The following CPLANE1 variants were observed in gnomAD, a reference collection of about 807,000 sequenced individuals.
CPLANE1 encodes the protein ciliogenesis and planar polarity effector complex subunit 1.
Under a neutral mutation model 362.5 loss-of-function variants are expected in CPLANE1, and 263 were observed. The observed-to-expected ratio is 0.73, with a 90% confidence interval of 0.66 to 0.80. The LOEUF is 0.80. CPLANE1 is among the 30% of genes least tolerant of loss of function. The pLI is 0.00. For synonymous variants in CPLANE1, 1,212 were observed against 1,302.6 expected (o/e 0.93, Z 1.50); for missense variants, 3,461 against 3,793.4 (o/e 0.91, Z 2.30).
chr5:37,140,664 A>G, intron 44 of CPLANE1: 1 of 985,418 alleles, frequency 1.0e-6, no homozygotes, highest in South Asian at 4.7e-5. Flanking sequence ...TGGGCTGCAT[A>G]TGGGGAAGTA....
intron 18 of CPLANE1, among the ~76,000 whole-genome samples, chr5:37,202,557 C>T (rs894163184): frequency 3.3e-5 from 5 of 152,084 alleles, no homozygotes; most frequent in South Asian, 2.1e-4. Flanking sequence ...ATGTATAGTA[C>T]GGCTTCAACT....
chr5:37,197,678 A>G (rs947995924), intron 20 of CPLANE1, among the ~76,000 whole-genome samples: 1 of 152,212 alleles, frequency 6.6e-6, no homozygotes, highest in African/African-American at 2.4e-5. Flanking sequence ...GTAGTAATAG[A>G]AAACTAATAT....
At chr5:37,078,143 T>A in the CPLANE1 span, among the ~76,000 whole-genome samples, 1 of 152,156 alleles carries the variant, frequency 6.6e-6, no homozygotes, top group African/African-American at 2.4e-5. Flanking sequence ...GTACAGATCA[T>A]CCCATCACCT....
the CPLANE1 span, among the ~76,000 whole-genome samples, chr5:37,076,365 ACC>A: frequency 1.3e-5 from 2 of 151,858 alleles, no homozygotes; most frequent in Admixed American, 1.3e-4. Flanking sequence ...TCACTCTGTT[ACC>A]CAGGTGCAAT....
At position 37,106,953 on chromosome 5, in the gene CPLANE1, T is replaced by C; in HGVS notation, c.*649A>G. 1.0e-6 allele frequency: 1 copy of C among 985,432 alleles called. No individual in the cohort carries two copies. Among genetic ancestry groups the C allele is most frequent in the Non-Finnish European group, 1.2e-6 (1 of 829,926 alleles). 61.0% of individuals were successfully genotyped at this position (985,432 alleles called of 1,614,324 possible). ...TCTTACAAATTTAAGATGAGCCTTC[T>C]AGAGGCCGGAGTCATATTCCCTTAC... On this transcript the variant is annotated 3_prime_UTR_variant, in exon 53 of 53. Transcript: ENST00000651892.
Position 37,238,961 on chromosome 5 carries a change from C to A in CPLANE1, c.835-1G>T. ...TGTTTATAAATAATACCTGAGTTGC[C>A]TAGAAAGGAAAAAAAAGACAAGAAA... is the stretch of plus-strand genomic sequence containing the variant. On this transcript the variant is annotated splice_acceptor_variant, in intron 7 of 52. Coordinates refer to ENST00000651892, the MANE Select transcript of CPLANE1 (RefSeq NM_001384732.1). LOFTEE classifies it high-confidence loss of function. The A allele has an allele frequency of 1.4e-6, 2 of 1,425,340 alleles. No individual in the cohort carries two copies. The highest frequency in any genetic ancestry group is 1.5e-5 in the South Asian group (1 of 66,780). 88.3% of individuals were successfully genotyped at this position (1,425,340 alleles called of 1,614,324 possible).
intron 25 of CPLANE1, among the ~76,000 whole-genome samples, chr5:37,184,355 T>C (rs1467546523): frequency 6.6e-6 from 1 of 152,070 alleles, no homozygotes; most frequent in East Asian, 1.9e-4. Flanking sequence ...GCTGAAAGCA[T>C]CCCATCCCTT....
rs529965774 is a variant in CPLANE1 at position 37,168,948 on chromosome 5, A to C, written c.7076T>G (p.Leu2359Arg). 1 of 1,614,184 alleles carries C rather than the reference A, an allele frequency of 6.2e-7. No individual in the cohort carries two copies. Among genetic ancestry groups the C allele is most frequent in the African/African-American group, 1.3e-5 (1 of 75,042 alleles). The change falls in exon 34 of 53, where the codon CTT becomes CGT. Residue 2359 changes from leucine (L) to arginine (R), a missense_variant. Leu to Arg is a moderately radical substitution (Grantham distance 102). Around this residue, in one of 2 missense-constraint regions of CPLANE1, gnomAD observed 3,380 missense variants for 3,666.1 expected, o/e 0.92. Transcript: ENST00000651892. ...TTTAAGTGGCAGGTATAGTAACGGAAGTCCAAAGGAATGGTGAGGAGATAT... is the reference window on the plus strand; with the variant it reads ...TTTAAGTGGCAGGTATAGTAACGGACGTCCAAAGGAATGGTGAGGAGATAT... ...LEISPHHSFG[L>R]PLLYLPLKPP... is the part of the protein sequence containing the mutation.
At chr5:37,076,620 C>T in the CPLANE1 span, among the ~76,000 whole-genome samples, 1 of 152,048 alleles carries the variant, frequency 6.6e-6, no homozygotes, top group Middle Eastern at 3.2e-3. Context: ...CGATGTTGAA[C>T]TCTTGCCACT....
At chr5:37,115,601 T>TC (rs1760707442) in intron 50 of CPLANE1, among the ~76,000 whole-genome samples, 1 of 147,790 alleles carries the variant, frequency 6.8e-6, no homozygotes, top group Non-Finnish European at 1.5e-5. Flanking sequence ...TTATTTCTTT[T>TC]TTTTTTTTTT....
intron 21 of CPLANE1, 80 bp downstream of exon 21, chr5:37,195,778 G>C: frequency 7.2e-7 from 1 of 1,394,546 alleles, no homozygotes; most frequent in South Asian, 1.4e-5. Flanking sequence ...ATTGTACTTT[G>C]AAGAGTCAAT....
the CPLANE1 span, among the ~76,000 whole-genome samples, chr5:37,077,601 TG>T: frequency 1.4e-5 from 2 of 146,494 alleles, no homozygotes; most frequent in Non-Finnish European, 1.5e-5. Flanking sequence ...TGTGTGTGTG[TG>T]TGTCTTTTTT....
the CPLANE1 span, among the ~76,000 whole-genome samples, chr5:37,101,215 C>T: frequency 2.0e-5 from 3 of 152,272 alleles, no homozygotes; most frequent in East Asian, 5.8e-4. Flanking sequence ...CCAGCTTTTG[C>T]CCATTCAGTA....
the CPLANE1 span, among the ~76,000 whole-genome samples, chr5:37,076,253 C>A: frequency 7.2e-6 from 1 of 138,770 alleles, no homozygotes. Flanking sequence ...GACCCTGTCT[C>A]AAAAAAAAAA....
Position 37,175,955 on chromosome 5 carries a change from T to C in CPLANE1, c.5932A>G (p.Thr1978Ala), listed in dbSNP as rs1453413994. Reference sequence around the variant, plus strand: ...TCTACTTGCATTGATTGAGGAGTGGTATGCCCAGGATGTGAAAAGGCTTCG... The same window carrying C: ...TCTACTTGCATTGATTGAGGAGTGGCATGCCCAGGATGTGAAAAGGCTTCG... ...MIEAFSHPGH[T>A]TPQSMQVDTS... The change falls in exon 31 of 53, where the codon ACC becomes GCC. Residue 1978 changes from threonine to alanine, a missense_variant. Coordinates refer to ENST00000651892, the MANE Select transcript of CPLANE1 (RefSeq NM_001384732.1). 1 of 1,613,620 alleles carries C rather than the reference T, an allele frequency of 6.2e-7. No individual in the cohort carries two copies. The highest frequency in any genetic ancestry group is 8.5e-7 in the Non-Finnish European group (1 of 1,179,720).
chr5:37,147,074 A>G (rs551477526), intron 43 of CPLANE1, among the ~76,000 whole-genome samples: 3 of 152,328 alleles, frequency 2.0e-5, no homozygotes, highest in South Asian at 2.1e-4. Flanking sequence ...TTTTAATGCA[A>G]CCTTCTAAGA....
At chr5:37,222,980 T>TA (rs1438320536) in intron 14 of CPLANE1, among the ~76,000 whole-genome samples, 1 of 152,226 alleles carries the variant, frequency 6.6e-6, no homozygotes, top group African/African-American at 2.4e-5. Context: ...GTCCCTTTCC[T>TA]ACCTAAAGTG....
chr5:37,244,707 AAT>A (rs1452124150), intron 4 of CPLANE1, 100 bp from the exon 5 acceptor site: 1 of 765,930 alleles, frequency 1.3e-6, no homozygotes, highest in Non-Finnish European at 2.1e-6. Flanking sequence ...AAAAACAAAT[AAT>A]GTTACCATTC....
At chr5:37,236,534 A>G (rs1799026615) in intron 8 of CPLANE1, among the ~76,000 whole-genome samples, 3 of 152,198 alleles carry the variant, frequency 2.0e-5, no homozygotes, top group African/African-American at 7.2e-5. Context: ...ATTTATGACC[A>G]CATCCTCAAA....
Sources: allele counts gnomAD v4.1 joint callset (sites outside exome capture counted in the v4.1 genomes callset), GRCh38; gene constraint gnomAD v4.1.1; regional missense constraint gnomAD v4.1.1; transcripts MANE v1.5; gene names NCBI Gene and HGNC (gene_info 2026-07-23, HGNC 2026-07-21).